Variants in DUS1L observed in about 807,000 individuals in gnomAD.
DUS1L encodes the protein dihydrouridine synthase 1 like.
A neutral mutation model predicts 61.2 loss-of-function variants in DUS1L; 56 were observed. The ratio of observed to expected loss-of-function variants is 0.92; its 90% CI spans 0.74 to 1.14. The LOEUF (loss-of-function observed/expected upper bound fraction) is 1.14, where lower values mean the gene tolerates loss of function less well. DUS1L is among the 50% of genes most tolerant of loss of function. The pLI is 0.00. For synonymous variants in DUS1L, 278 were observed against 259.5 expected (o/e 1.07, Z -0.69); for missense variants, 630 against 632.4 (o/e 1.00, Z 0.04).
chr17:82,059,593 A>T, intron 11 of DUS1L: 1 of 276,586 alleles, frequency 3.6e-6, no homozygotes, highest in Non-Finnish European at 6.8e-6. Context: ...ACTCCCGGGG[A>T]CCCCAGCCTC....
In DUS1L at chr17:82,058,216, G is replaced by A. The variant is rs748234220; in HGVS notation, c.1321C>T (p.Leu441=). The A allele has an allele frequency of 1.3e-6, 2 of 1,595,104 alleles. No individual in the cohort carries two copies. Among genetic ancestry groups the A allele is most frequent in the Non-Finnish European group, 1.7e-6 (2 of 1,166,904 alleles). The change falls in exon 14 of 14, where the codon CTG becomes TTG. Residue 441 remains leucine, a synonymous_variant. Transcript: ENST00000306796. ...LLFKTKLEKS[L]AWKEAQPELQ... ...TCAGGCTGGGCCTCTTTCCAGGCCA[G>A]AGACTTCTCCAATTTGGTTTTAAAA... is the stretch of plus-strand genomic sequence containing the variant.
intron 10 of DUS1L, 58 bp downstream of exon 10, chr17:82,060,643 A>C: frequency 1.9e-6 from 3 of 1,573,180 alleles, no homozygotes; most frequent in Non-Finnish European, 2.6e-6. Flanking sequence ...CACTGTGGGC[A>C]CAGGGTGGAG....
chr17:82,063,496 C>T lies in DUS1L; in HGVS notation c.369G>A (p.Gln123=). The T allele has an allele frequency of 6.2e-7, 1 of 1,613,736 alleles. No individual in the cohort carries two copies. Among genetic ancestry groups the T allele is most frequent in the Non-Finnish European group, 8.5e-7 (1 of 1,179,998 alleles). The stretch of plus-strand genomic sequence containing the variant: ...TTCTTTGGAGCAGGTCCCACTCGTC[C>T]TGCAGAAAGGCGCCATAGTGACCTG... The part of the protein sequence containing the change: ...AKRGHYGAFL[Q]DEWDLLQRMI... Residue 123 remains glutamine, a synonymous_variant, in exon 4 of 14, where the codon CAG becomes CAA. Transcript: ENST00000306796.
chr17:82,058,213 C>G lies in DUS1L; in HGVS notation c.1324G>C (p.Ala442Pro), dbSNP rs1262076430. ...LFKTKLEKSL[A>P]WKEAQPELQE... is the part of the protein sequence containing the mutation. ...AGCTCAGGCTGGGCCTCTTTCCAGG[C>G]CAGAGACTTCTCCAATTTGGTTTTA... is the stretch of plus-strand genomic sequence containing the variant. The change falls in exon 14 of 14, where the codon GCC becomes CCC. Residue 442 changes from alanine to proline, a missense_variant. Transcript: ENST00000306796. 2 of 1,595,526 alleles carry G rather than the reference C, an allele frequency of 1.3e-6. No individual in the cohort carries two copies. Among genetic ancestry groups the G allele is most frequent in the African/African-American group, 2.7e-5 (2 of 74,560 alleles).
At chr17:82,064,728 A>G in intron 2 of DUS1L, 95 bp downstream of exon 2, 1 of 1,295,092 alleles carries the variant, frequency 7.7e-7, no homozygotes, top group African/African-American at 1.5e-5. Context: ...GGAAAGGCTG[A>G]AAGTGATGTC....
Position 82,059,692 on chromosome 17 carries a change from C to G in DUS1L, c.1168+256G>C, listed in dbSNP as rs2033364185. 7.6e-6 allele frequency: 4 copies of G among 524,654 alleles called. No homozygotes were observed. In the Admixed American group the frequency reaches 1.3e-4, roughly 17 times the overall value. 32.5% of individuals were successfully genotyped at this position (524,654 alleles called of 1,614,324 possible). On this transcript the variant is annotated intron_variant, in intron 11 of 13. Coordinates refer to ENST00000306796, the MANE Select transcript of DUS1L (RefSeq NM_022156.5). ...GCCCTGAGCTGTAGACGAGCTTCAC[C>G]TGGCTGAAAAGCTTGTCCCATAGCC...
chr17:82,058,684 G>A (rs2033226648), intron 12 of DUS1L, 97 bp downstream of exon 12: 1 of 1,581,478 alleles, frequency 6.3e-7, no homozygotes, highest in African/African-American at 1.3e-5. Context: ...AAACCCAGCT[G>A]GGCGGGCACC....
At position 82,058,265 on chromosome 17, in the gene DUS1L, G is replaced by A. The variant is rs200336489; in HGVS notation, c.1283-11C>T. On this transcript the variant is annotated splice_polypyrimidine_tract_variant and intron_variant, in intron 13 of 13. Coordinates refer to ENST00000306796, the MANE Select transcript of DUS1L (RefSeq NM_022156.5). Reference sequence around the variant, plus strand: ...AAAGCAATCCGTGACCTGGCAGAGCGAGTGAGAGGAGTCGGGGGTCAGGAG... The same window carrying A: ...AAAGCAATCCGTGACCTGGCAGAGCAAGTGAGAGGAGTCGGGGGTCAGGAG... The A allele has an allele frequency of 2.9e-4, 448 of 1,565,126 alleles. No individual in the cohort carries two copies. In the African/African-American group the frequency reaches 4.5e-3, roughly 16 times the overall value.
At chr17:82,060,675 C>T in intron 10 of DUS1L, 26 bp downstream of exon 10, 1 of 1,608,714 alleles carries the variant, frequency 6.2e-7, no homozygotes, top group East Asian at 2.2e-5. Context: ...GTGCACATCC[C>T]CGCCCAGGGC....
At position 82,063,493 on chromosome 17, in the gene DUS1L, G is replaced by A. The variant is rs533384692; in HGVS notation, c.372C>T (p.Asp124=). Residue 124 remains aspartate (D), a synonymous_variant, in exon 4 of 14, where the codon GAC becomes GAT. Transcript: ENST00000306796. ...KRGHYGAFLQ[D]EWDLLQRMIL... ...TCATTCTTTGGAGCAGGTCCCACTC[G>A]TCCTGCAGAAAGGCGCCATAGTGAC... is the stretch of plus-strand genomic sequence containing the variant. 36 of 1,613,708 alleles carry A rather than the reference G, an allele frequency of 2.2e-5. No individual in the cohort carries two copies. Among genetic ancestry groups the A allele is most frequent in the South Asian group, 2.0e-4 (18 of 91,088 alleles).
At chr17:82,064,512 G>T (rs2033671319) in intron 2 of DUS1L, among the ~76,000 whole-genome samples, 1 of 152,244 alleles carries the variant, frequency 6.6e-6, no homozygotes, top group Non-Finnish European at 1.5e-5. Flanking sequence ...GAGTGTGAGT[G>T]TGAGAGGCAG....
At chr17:82,062,172 G>A (rs999476046) in intron 5 of DUS1L, among the ~76,000 whole-genome samples, 189 bp from the exon 6 acceptor site, 4 of 152,140 alleles carry the variant, frequency 2.6e-5, no homozygotes, top group Admixed American at 2.0e-4. Context: ...GCAGGGCTGA[G>A]GAATGGCCAT....
chr17:82,064,513 TGA>T (rs2033671845), intron 2 of DUS1L, among the ~76,000 whole-genome samples: 1 of 152,192 alleles, frequency 6.6e-6, no homozygotes, highest in African/African-American at 2.4e-5. Context: ...AGTGTGAGTG[TGA>T]GAGGCAGCAA....
intron 1 of DUS1L, 64 bp from the exon 2 acceptor site, chr17:82,065,133 G>C: frequency 7.0e-7 from 1 of 1,428,640 alleles, no homozygotes; most frequent in Non-Finnish European, 9.4e-7. Flanking sequence ...ACTCAACTCA[G>C]AGGCAGCGGT....
In DUS1L at chr17:82,065,700, C is replaced by T. The variant is rs1484033024; in HGVS notation, c.-98G>A. The stretch of plus-strand genomic sequence containing the variant: ...TCCCGGGCCCGCCCCTCTCCGGCCT[C>T]GCCGCCGCCCGGGGCCCCTGCAGCT... On this transcript the variant is annotated 5_prime_UTR_variant, in exon 1 of 14. Coordinates refer to ENST00000306796, the MANE Select transcript of DUS1L (RefSeq NM_022156.5). The T allele has an allele frequency of 6.7e-6, 1 of 148,404 alleles. No individual in the cohort carries two copies. Among genetic ancestry groups the T allele is most frequent in the Non-Finnish European group, 1.5e-5 (1 of 66,762 alleles). The allele number at this position is 148,404 out of a possible 1,614,324, so 9.2% of individuals were successfully genotyped here.
chr17:82,062,086 G>GC (rs2033536351), intron 5 of DUS1L, 103 bp from the exon 6 acceptor site: 26 of 966,884 alleles, frequency 2.7e-5, no homozygotes, highest in Non-Finnish European at 3.1e-5. Context: ...ACCCCTCCGA[G>GC]CCCCCTCTGC....
rs2033700336 is a variant in DUS1L, at chr17:82,064,988, C to G, written c.72G>C (p.Met24Ile). The G allele has an allele frequency of 6.2e-6, 10 of 1,611,732 alleles. No homozygotes were observed. The highest frequency in any genetic ancestry group is 8.5e-6 in the Non-Finnish European group (10 of 1,179,262). Residue 24 changes from methionine (M) to isoleucine (I), a missense_variant, in exon 2 of 14, where the codon ATG (methionine) becomes ATC (isoleucine). Met to Ile is a conservative substitution (Grantham distance 10). Transcript: ENST00000306796. ...TCCAGGCCAGCTCGCTCTGGTCCAC[C>G]ATGGGGGCCACGACGTGGCGGGCCC... ...LRGARHVVAPMVDQSELAWRL... is the reference protein window; with the variant it reads ...LRGARHVVAPIVDQSELAWRL...
intron 5 of DUS1L, 58 bp downstream of exon 5, chr17:82,062,803 G>A (rs903469255): frequency 3.4e-5 from 49 of 1,440,736 alleles, no homozygotes; most frequent in African/African-American, 7.0e-5. Flanking sequence ...CCTCAGCTAT[G>A]TCCTCTGCGC....
At chr17:82,063,439 G>T in intron 4 of DUS1L, 29 bp downstream of exon 4, 1 of 1,613,690 alleles carries the variant, frequency 6.2e-7, no homozygotes, top group Non-Finnish European at 8.5e-7. Flanking sequence ...GTCTCTGGGG[G>T]TCCTTCACCA....
Sources: gnomAD v4.1 joint callset for allele counts (sites outside exome capture counted in the v4.1 genomes callset) on GRCh38, gnomAD v4.1.1 for gene constraint, MANE v1.5 for transcripts, NCBI Gene and HGNC (gene_info 2026-07-23, HGNC 2026-07-21) for gene names.